Variants in DOCK5 observed in about 807,000 individuals in gnomAD.
DOCK5 encodes dedicator of cytokinesis protein 5.
DOCK5 carries 142 observed loss-of-function variants against 251.8 expected under a neutral mutation model. That is an observed-to-expected ratio of 0.56 (90% CI 0.49 to 0.65). The LOEUF (loss-of-function observed/expected upper bound fraction) is 0.65, where lower values mean the gene tolerates loss of function less well. Among genes scored for constraint, DOCK5 ranks in the 30% least tolerant of loss-of-function variants. The pLI is 0.00. For missense variants in DOCK5, 2,111 were observed against 2,312.3 expected, an observed-to-expected ratio of 0.91 and a Z score of 1.79; for synonymous variants, 842 against 835.5, an observed-to-expected ratio of 1.01 and a Z score of -0.13.
intron 12 of DOCK5, among the ~76,000 whole-genome samples, chr8:25,310,193 A>G (rs1476888103): frequency 2.0e-5 from 3 of 151,800 alleles, no homozygotes; most frequent in South Asian, 2.1e-4. Flanking sequence ...TTTTCCCCCA[A>G]AGTTAGCATC....
At position 25,361,345 on chromosome 8, in the gene DOCK5, C is replaced by T. The variant is rs191244242; in HGVS notation, c.2950-1702C>T. ...TATAATGAGGCCGGATGTGGTGACT[C>T]ATGCCTGTAATCTCAGCACTTTGGG... On this transcript the variant is annotated intron_variant, in intron 28 of 51. Coordinates refer to ENST00000276440, the MANE Select transcript of DOCK5 (RefSeq NM_024940.8). 2.0e-3 allele frequency among the ~76,000 whole-genome samples: 303 copies of T among 152,278 alleles called. 2 individuals carry two copies. The highest frequency in any genetic ancestry group is 3.8e-3 in the Admixed American group (58 of 15,308).
intron 11 of DOCK5, 167 bp from the exon 12 acceptor site, chr8:25,308,616 T>G (rs916678343): frequency 2.5e-6 from 2 of 794,660 alleles, no homozygotes; most frequent in African/African-American, 3.5e-5. Flanking sequence ...GTGAATTTAG[T>G]ATTTAAGATG....
intron 34 of DOCK5, 136 bp from the exon 35 acceptor site, chr8:25,372,423 A>G (rs1800888833): frequency 1.2e-6 from 1 of 813,436 alleles, no homozygotes; most frequent in Non-Finnish European, 1.8e-6. Context: ...TAACTGTGTC[A>G]CTTAATATCT....
At chr8:25,290,859 G>A (rs182611310) in intron 5 of DOCK5, among the ~76,000 whole-genome samples, 136 of 152,342 alleles carry the variant, frequency 8.9e-4, no homozygotes, top group Non-Finnish European at 1.2e-3. Context: ...CTAACATGAA[G>A]TTGAAGTTTC....
chr8:25,338,117 C>G (rs997683204), intron 22 of DOCK5, among the ~76,000 whole-genome samples: 1 of 150,556 alleles, frequency 6.6e-6, no homozygotes, highest in Non-Finnish European at 1.5e-5. Context: ...GATGTTGGGT[C>G]ACTGCACTCT....
chr8:25,387,875 T>C (rs1299954589), intron 40 of DOCK5, among the ~76,000 whole-genome samples: 1 of 152,190 alleles, frequency 6.6e-6, no homozygotes, highest in African/African-American at 2.4e-5. Flanking sequence ...GAGCTAATTC[T>C]TCCTGACCTG....
At chr8:25,406,021 C>T (rs577000986) in intron 48 of DOCK5, among the ~76,000 whole-genome samples, 190 of 152,186 alleles carry the variant, frequency 1.2e-3, no homozygotes, top group African/African-American at 4.1e-3. Context: ...TGCAGTGGTG[C>T]GATCTCGGCT....
intron 11 of DOCK5, among the ~76,000 whole-genome samples, chr8:25,306,439 G>T (rs1432958755): frequency 6.6e-6 from 1 of 152,134 alleles, no homozygotes; most frequent in Non-Finnish European, 1.5e-5. Context: ...GGGCGCATAG[G>T]CTTACGCCTG....
At chr8:25,322,810 C>T (rs544854090) in intron 16 of DOCK5, among the ~76,000 whole-genome samples, 3 of 152,210 alleles carry the variant, frequency 2.0e-5, no homozygotes, top group African/African-American at 7.2e-5. Flanking sequence ...GGGCTGGAGC[C>T]GGATCATGAA....
intron 2 of DOCK5, among the ~76,000 whole-genome samples, chr8:25,260,334 C>T (rs1381540642): frequency 6.6e-6 from 1 of 152,134 alleles, no homozygotes; most frequent in Non-Finnish European, 1.5e-5. Context: ...AGCACCTGCT[C>T]CTTCTCTGGG....
chr8:25,194,538 A>G (rs1001529046), intron 1 of DOCK5, among the ~76,000 whole-genome samples: 1 of 151,904 alleles, frequency 6.6e-6, no homozygotes, highest in Non-Finnish European at 1.5e-5. Flanking sequence ...TATCTACCTG[A>G]TAACAAGTGA....
intron 1 of DOCK5, among the ~76,000 whole-genome samples, chr8:25,220,274 G>A (rs1350466252): frequency 1.3e-5 from 2 of 151,878 alleles, no homozygotes; most frequent in East Asian, 3.9e-4. Context: ...GTCCTTGGCC[G>A]CTTGTTCCTA....
At chr8:25,218,975 C>T (rs1802316437) in intron 1 of DOCK5, among the ~76,000 whole-genome samples, 1 of 152,204 alleles carries the variant, frequency 6.6e-6, no homozygotes, top group African/African-American at 2.4e-5. Flanking sequence ...ACCCAAATCT[C>T]ACTGATACTC....
intron 1 of DOCK5, among the ~76,000 whole-genome samples, chr8:25,196,664 G>A (rs1304309441): frequency 1.3e-5 from 2 of 152,180 alleles, no homozygotes; most frequent in Non-Finnish European, 2.9e-5. Context: ...AGACAAATCA[G>A]TGGGGCTTGA....
intron 1 of DOCK5, among the ~76,000 whole-genome samples, chr8:25,208,222 A>G (rs1802048353): frequency 1.3e-5 from 2 of 152,238 alleles, no homozygotes; most frequent in Non-Finnish European, 2.9e-5. Context: ...GATGGACTCT[A>G]TCTTGGTGAA....
At position 25,296,545 on chromosome 8, in the gene DOCK5, ACAATGGGAACAT is replaced by A. The variant is rs1367994169; in HGVS notation, c.505_516del (p.Asn169_Ile172del). On this transcript the variant is annotated inframe_deletion, in exon 7 of 52. Transcript: ENST00000276440. Reference sequence around the variant, plus strand: ...GGGTTAGATCTGGTGGTGCGAGATGACAATGGGAACATCCTAGACCCTGACGAAACCAGCACC... The same window carrying A: ...GGGTTAGATCTGGTGGTGCGAGATGACCTAGACCCTGACGAAACCAGCACC... 7 of 1,611,444 alleles carry A rather than the reference ACAATGGGAACAT, an allele frequency of 4.3e-6. No homozygotes were observed. The highest frequency in any genetic ancestry group is 5.9e-6 in the Non-Finnish European group (7 of 1,178,898).
rs1370522023 is a variant in DOCK5 at position 25,358,894 on chromosome 8, G to T, written c.2851-69G>T. On this transcript the variant is annotated intron_variant, in intron 27 of 51. Coordinates refer to ENST00000276440, the MANE Select transcript of DOCK5 (RefSeq NM_024940.8). ...GGGTGGGAAAAGCCAAGTTCATGGG[G>T]CTCACATAGTGTTTTTGTCAGTTGG... 2.9e-6 allele frequency: 4 copies of T among 1,388,108 alleles called. No homozygotes were observed. In the African/African-American group the frequency reaches 4.3e-5, roughly 15 times the overall value. The allele number at this position is 1,388,108 out of a possible 1,614,324, so 86.0% of individuals were successfully genotyped here. A position where few individuals can be genotyped will look rare whatever the true frequency, so the allele number is the denominator to read the frequency against.
At position 25,408,163 on chromosome 8, in the gene DOCK5, CAGAAA is replaced by C; in HGVS notation, c.5265+16_5265+20del. The C allele has an allele frequency of 1.3e-6, 2 of 1,562,774 alleles. No individual in the cohort carries two copies. Among genetic ancestry groups the C allele is most frequent in the Non-Finnish European group, 1.7e-6 (2 of 1,154,892 alleles). On this transcript the variant is annotated intron_variant, in intron 49 of 51. Transcript: ENST00000276440. ...CAGAACCCGATTTGATGGTAAAAAA[CAGAAA>C]AGAAAAAAAGAAATCTCTGGAGGCT...
In DOCK5 at chr8:25,279,526, G is replaced by A. The variant is rs1397193296; in HGVS notation, c.321+861G>A. 3.3e-5 allele frequency among the ~76,000 whole-genome samples: 5 copies of A among 152,012 alleles called. No homozygotes were observed. The East Asian group carries it at 9.7e-4, about 30-fold the overall frequency. ...CTTTCGCCCAAGCTGGACTGCAGTGGCGCTGTCCCGGCTCACTGCAAGCTC... is the reference window on the plus strand; with the variant it reads ...CTTTCGCCCAAGCTGGACTGCAGTGACGCTGTCCCGGCTCACTGCAAGCTC... On this transcript the variant is annotated intron_variant, in intron 5 of 51. Coordinates refer to ENST00000276440, the MANE Select transcript of DOCK5 (RefSeq NM_024940.8).
Sources: gnomAD v4.1 joint callset for allele counts (sites outside exome capture counted in the v4.1 genomes callset) on GRCh38, gnomAD v4.1.1 for gene constraint, MANE v1.5 for transcripts, NCBI Gene and HGNC (gene_info 2026-07-23, HGNC 2026-07-21) for gene names.